The following FGF13 variants were observed in gnomAD, a reference collection of about 807,000 sequenced individuals.
FGF13 encodes the protein fibroblast growth factor homologous factor 2.
A neutral mutation model predicts 19.5 loss-of-function variants in FGF13; 2 were observed. The observed-to-expected ratio is 0.10, with a 90% CI of 0.04 to 0.32. FGF13 has a LOEUF of 0.32. FGF13 is among the 10% of genes least tolerant of loss of function. FGF13 has a pLI of 1.00. For synonymous variants in FGF13, 72 were observed against 76.9 expected (o/e 0.94, Z 0.33); for missense variants, 113 against 192.7 (o/e 0.59, Z 2.45).
intron 3 of FGF13, among the ~76,000 whole-genome samples, chrX:138,752,233 A>T (rs895106488): frequency 4.5e-5 from 5 of 111,061 alleles, no homozygotes; most frequent in Non-Finnish European, 9.4e-5. Context: ...TGGACACCAG[A>T]CTGACCAACA....
chrX:138,619,851 C>A lies in FGF13; in HGVS notation c.*12999G>T, dbSNP rs2089000734. Reference sequence around the variant, plus strand: ...GCAAGGTTGCAGAGAAATAGGAACACTTTTACACTGCTGGTGGGAAAGTAA... The same window carrying A: ...GCAAGGTTGCAGAGAAATAGGAACAATTTTACACTGCTGGTGGGAAAGTAA... On this transcript the variant is annotated 3_prime_UTR_variant, in exon 5 of 5. Coordinates refer to ENST00000315930, the MANE Select transcript of FGF13 (RefSeq NM_004114.5). 1 of 112,037 alleles carries A rather than the reference C, an allele frequency of 8.9e-6. No homozygotes were observed. Among genetic ancestry groups the A allele is most frequent in the African/African-American group, 3.2e-5 (1 of 30,813 alleles). The allele number at this position is 112,037 out of a possible 1,213,427, so 9.2% of individuals were successfully genotyped here.
intron 1 of FGF13, among the ~76,000 whole-genome samples, chrX:138,941,226 G>T (rs1333239661): frequency 9.0e-6 from 1 of 111,555 alleles, no homozygotes; most frequent in East Asian, 2.8e-4. Context: ...TCAGGGAAGA[G>T]AAAGAAATAA....
intron 3 of FGF13, among the ~76,000 whole-genome samples, chrX:138,699,139 A>G (rs750441817): frequency 9.0e-6 from 1 of 111,646 alleles, no homozygotes; most frequent in East Asian, 2.8e-4. Context: ...ATCATCTGGT[A>G]GAAAATTCTT....
intron 1 of FGF13, among the ~76,000 whole-genome samples, chrX:138,877,212 T>A (rs868047738): frequency 2.8e-5 from 3 of 108,419 alleles, no homozygotes; most frequent in South Asian, 8.2e-4. Context: ...AACTGCACGT[T>A]CTGCACATGT....
intron 1 of FGF13, among the ~76,000 whole-genome samples, chrX:139,009,685 C>A (rs142924995): frequency 4.8e-4 from 53 of 111,199 alleles, no homozygotes; most frequent in African/African-American, 1.7e-3. Flanking sequence ...TCAAAAAACC[C>A]CAAAATAGAA....
chrX:138,798,814 A>G (rs2090801723), intron 3 of FGF13, among the ~76,000 whole-genome samples: 1 of 111,726 alleles, frequency 9.0e-6, no homozygotes, highest in Admixed American at 9.5e-5. Context: ...GTGTCCAGTA[A>G]TTTATCCATT....
intron 3 of FGF13, among the ~76,000 whole-genome samples, chrX:138,828,412 C>CA (rs762101904): frequency 7.3e-5 from 8 of 108,915 alleles, no homozygotes; most frequent in African/African-American, 1.7e-4. Flanking sequence ...ACTAAAAATA[C>CA]AAAAAAAATT....
At chrX:138,670,707 T>C (rs950901215) in intron 3 of FGF13, among the ~76,000 whole-genome samples, 38 of 111,629 alleles carry the variant, frequency 3.4e-4, no homozygotes, top group African/African-American at 1.2e-3. Flanking sequence ...TTATTTCTTT[T>C]TGTTTCAGTA....
At chrX:138,765,960 C>T (rs1163548362) in intron 3 of FGF13, among the ~76,000 whole-genome samples, 1 of 111,363 alleles carries the variant, frequency 9.0e-6, no homozygotes. Flanking sequence ...ACTCTGCTCT[C>T]TCGCCCATCT....
At chrX:138,781,234 C>T (rs1274006489) in intron 3 of FGF13, among the ~76,000 whole-genome samples, 4 of 109,442 alleles carry the variant, frequency 3.7e-5, no homozygotes, top group Non-Finnish European at 5.7e-5. Flanking sequence ...AAAATTGACA[C>T]CCTAACATCA....
intron 3 of FGF13, among the ~76,000 whole-genome samples, chrX:138,692,706 GTGTGCATGTGTGTA>G (rs2089851496): frequency 9.2e-6 from 1 of 108,981 alleles, no homozygotes. Context: ...TTATATGTGT[GTGTGCATGTGTGTA>G]TGTGTGTGTG....
chrX:138,982,482 T>C (rs1285062424), intron 1 of FGF13, among the ~76,000 whole-genome samples: 1 of 111,941 alleles, frequency 8.9e-6, no homozygotes, highest in Non-Finnish European at 1.9e-5. Context: ...AAGGTGTGTA[T>C]TTGAATGAGG....
Position 138,872,271 on chromosome X carries a change from T to A in FGF13, c.-112-7621A>T, listed in dbSNP as rs772671237. ...ACAAACGGAAAATAATTACTGTGGA[T>A]TAGCTAACTCTACTCTTTGGGCAAG... is the stretch of plus-strand genomic sequence containing the variant. On this transcript the variant is annotated intron_variant, in intron 1 of 2. Transcript: ENST00000421460. 6.3e-5 allele frequency among the ~76,000 whole-genome samples: 7 copies of A among 111,931 alleles called. No homozygotes were observed. In the South Asian group the frequency reaches 2.6e-3, roughly 42 times the overall value.
At chrX:139,083,597 C>T (rs1172530479) in intron 1 of FGF13, among the ~76,000 whole-genome samples, 1 of 110,983 alleles carries the variant, frequency 9.0e-6, no homozygotes, top group Non-Finnish European at 1.9e-5. Context: ...GAGGGCCGGG[C>T]ACAGTGGCTC....
chrX:139,139,789 A>G (rs1048787181), intron 1 of FGF13, among the ~76,000 whole-genome samples: 2 of 111,898 alleles, frequency 1.8e-5, no homozygotes, highest in African/African-American at 6.5e-5. Context: ...AGAGAAAAAC[A>G]CAGAGAAGGG....
chrX:139,085,521 C>T (rs1265592084), intron 1 of FGF13, among the ~76,000 whole-genome samples: 4 of 111,719 alleles, frequency 3.6e-5, no homozygotes, highest in Non-Finnish European at 5.7e-5. Flanking sequence ...ATAAAAAGAG[C>T]CACCCAAAGT....
At chrX:138,665,622 A>G (rs1014503877) in intron 3 of FGF13, among the ~76,000 whole-genome samples, 6 of 111,775 alleles carry the variant, frequency 5.4e-5, no homozygotes, top group African/African-American at 1.9e-4. Flanking sequence ...AAAGCATTTC[A>G]TTCGTATTTA....
intron 1 of FGF13, among the ~76,000 whole-genome samples, chrX:139,164,106 T>TTA (rs2084058976): frequency 9.3e-6 from 1 of 107,020 alleles, no homozygotes; most frequent in Non-Finnish European, 1.9e-5. Flanking sequence ...TTTTTTTTTT[T>TTA]TTATTATTAT....
chrX:138,665,084 T>G (rs996073528), intron 3 of FGF13, among the ~76,000 whole-genome samples: 1 of 110,765 alleles, frequency 9.0e-6, no homozygotes, highest in Non-Finnish European at 1.9e-5. Flanking sequence ...CCCTTCATAG[T>G]CTTCTACCCT....
Sources: allele counts gnomAD v4.1 joint callset (sites outside exome capture counted in the v4.1 genomes callset), GRCh38; gene constraint gnomAD v4.1.1; transcripts MANE v1.5; gene names NCBI Gene and HGNC (gene_info 2026-07-23, HGNC 2026-07-21).